The following ALDH3A1 variants were observed in gnomAD, a reference collection of about 807,000 sequenced individuals.
ALDH3A1 encodes the protein aldehyde dehydrogenase 3 family member A1, also known as aldehyde dehydrogenase, dimeric NADP-preferring.
Under a neutral mutation model 49.9 loss-of-function variants are expected in ALDH3A1, and 46 were observed. The observed-to-expected ratio is 0.92, with a 90% CI of 0.73 to 1.18. The LOEUF is 1.18. ALDH3A1 is among the 50% of genes most tolerant of loss of function. ALDH3A1 has a pLI of 0.00. For synonymous variants in ALDH3A1, 269 were observed against 253.3 expected (o/e 1.06, Z -0.59); for missense variants, 592 against 611.8 (o/e 0.97, Z 0.34).
intron 2 of ALDH3A1, chr17:19,744,679 G>A: frequency 7.6e-7 from 1 of 1,311,436 alleles, no homozygotes; most frequent in Non-Finnish European, 9.7e-7. Context: ...GAGGAATGGG[G>A]AGGACCAGAA....
At chr17:19,740,226 C>T in intron 7 of ALDH3A1, 110 bp downstream of exon 7, 1 of 1,466,164 alleles carries the variant, frequency 6.8e-7, no homozygotes, top group Non-Finnish European at 9.2e-7. Flanking sequence ...CAATTTATAC[C>T]CATCCCGAGG....
At chr17:19,739,246 C>T (rs935620433) in intron 8 of ALDH3A1, 151 bp from the exon 9 acceptor site, 24 of 817,670 alleles carry the variant, frequency 2.9e-5, no homozygotes, top group Middle Eastern at 5.1e-4. Context: ...TTCCTGCAGA[C>T]CGCGTGGCTG....
intron 9 of ALDH3A1, chr17:19,738,682 C>A: frequency 1.5e-6 from 1 of 651,214 alleles, no homozygotes; most frequent in Non-Finnish European, 2.6e-6. Context: ...GTCCCCAGGG[C>A]ATCCACACTG....
chr17:19,745,017 T>C lies in ALDH3A1; in HGVS notation c.113A>G (p.Gln38Arg). The change falls in exon 2 of 11, where the codon CAG becomes CGG. Residue 38 changes from glutamine to arginine, a missense_variant. Physicochemically the swap from Gln to Arg is conservative, Grantham distance 43 (BLOSUM62 1). Transcript: ENST00000225740. ...GCCCACCAGCTCCTGCTCCTGCTCC[T>C]GGATCAGGCGCTGCAGCGCCTCCAG... ...QQLEALQRLI[Q>R]EQEQELVGAL... 1 of 1,591,622 alleles carries C rather than the reference T, an allele frequency of 6.3e-7. No individual in the cohort carries two copies. Among genetic ancestry groups the C allele is most frequent in the Non-Finnish European group, 8.5e-7 (1 of 1,177,342 alleles).
chr17:19,746,638 CGTGTGCGTGT>C (rs2086599904), intron 1 of ALDH3A1, among the ~76,000 whole-genome samples: 1 of 132,574 alleles, frequency 7.5e-6, no homozygotes, highest in Non-Finnish European at 1.6e-5. Context: ...TGTGTGTGTG[CGTGTGCGTGT>C]GTGTGCATGT....
At position 19,748,134 on chromosome 17, in the gene ALDH3A1, A is replaced by G; in HGVS notation, c.-6+125T>C. On this transcript the variant is annotated intron_variant, in intron 1 of 10. Transcript: ENST00000225740. The surrounding 1 kb of genome is among the most constrained non-coding windows in gnomAD (Gnocchi z 4.4). ...GGTCCAGGAGGATGCTCCAGAGATG[A>G]TGGTCCCAGAGGCAGGGACCCCCTG... is the stretch of plus-strand genomic sequence containing the variant. 3.1e-6 allele frequency: 1 copy of G among 323,024 alleles called. No homozygotes were observed. Among genetic ancestry groups the G allele is most frequent in the Non-Finnish European group, 6.3e-6 (1 of 159,610 alleles). 20.0% of individuals were successfully genotyped at this position (323,024 alleles called of 1,614,324 possible). A position where few individuals can be genotyped will look rare whatever the true frequency, so the allele number is the denominator to read the frequency against.
chr17:19,739,685 A>C lies in ALDH3A1; in HGVS notation c.950-11T>G. On this transcript the variant is annotated splice_polypyrimidine_tract_variant and intron_variant, in intron 7 of 10. Transcript: ENST00000225740. The stretch of plus-strand genomic sequence containing the variant: ...TGAGGATGGTGGGGGCTGAGGCAGG[A>C]AACAAGCCAGAGTTGGACGGCGCAG... The C allele has an allele frequency of 1.2e-6, 2 of 1,613,244 alleles. No individual in the cohort carries two copies. The highest frequency in any genetic ancestry group is 1.7e-6 in the Non-Finnish European group (2 of 1,179,744).
rs2086611539 is a variant in ALDH3A1 at position 19,747,124 on chromosome 17, TA to T, written c.-6+1134del. On this transcript the variant is annotated intron_variant, in intron 1 of 10. Coordinates refer to ENST00000225740, the MANE Select transcript of ALDH3A1 (RefSeq NM_000691.5). ...CAGAAATAGGGTATTTCCATTTTTTTAAAAAACCCTATATATCATATGTAAT... is the reference window on the plus strand; with the variant it reads ...CAGAAATAGGGTATTTCCATTTTTTTAAAAACCCTATATATCATATGTAAT... 3.9e-5 allele frequency among the ~76,000 whole-genome samples: 6 copies of T among 152,200 alleles called. No individual in the cohort carries two copies. In the South Asian group the frequency reaches 1.2e-3, roughly 32 times the overall value.
chr17:19,746,660 TGTGTGTGC>T (rs1309741048), intron 1 of ALDH3A1, among the ~76,000 whole-genome samples: 3 of 146,868 alleles, frequency 2.0e-5, no homozygotes, highest in Non-Finnish European at 3.0e-5. Context: ...TGTGCATGTG[TGTGTGTGC>T]GTGTGTGTGC....
chr17:19,743,866 A>T lies in ALDH3A1; in HGVS notation c.163-403T>A. Reference sequence around the variant, plus strand: ...CGGGCACTGGGAGCTGGATCCGGGCAGGGTGGAGGGAGCCAGGCCCTTTAG... The same window carrying T: ...CGGGCACTGGGAGCTGGATCCGGGCTGGGTGGAGGGAGCCAGGCCCTTTAG... On this transcript the variant is annotated intron_variant, in intron 2 of 10. Transcript: ENST00000225740. The surrounding 1 kb of genome is among the most constrained non-coding windows in gnomAD (Gnocchi z 4.4). 3.0e-6 allele frequency: 3 copies of T among 984,146 alleles called. No individual in the cohort carries two copies. Among genetic ancestry groups the T allele is most frequent in the Non-Finnish European group, 3.6e-6 (3 of 829,554 alleles). The allele number at this position is 984,146 out of a possible 1,614,324, so 61.0% of individuals were successfully genotyped here.
intron 5 of ALDH3A1, among the ~76,000 whole-genome samples, chr17:19,741,712 C>G (rs1360206196): frequency 6.6e-6 from 1 of 152,160 alleles, no homozygotes; most frequent in African/African-American, 2.4e-5. Flanking sequence ...CGTCCCACAG[C>G]TGCTTTTTCT....
At chr17:19,746,543 AAAAG>A (rs147101721) in intron 1 of ALDH3A1, among the ~76,000 whole-genome samples, 2,369 of 152,122 alleles carry the variant, frequency 0.016, 25 homozygotes, top group East Asian at 0.053. Context: ...TAAAAAAAGA[AAAAG>A]AAAGAAAGAA....
chr17:19,738,359 T>C lies in ALDH3A1; in HGVS notation c.1311A>G (p.Glu437=). Residue 437 remains glutamate (E), a synonymous_variant, in exon 10 of 11, where the codon GAA becomes GAG. Transcript: ENST00000225740. ...TCGGGGGGTATCTGACCTTCAGGCC[T>C]TCATCATTCATCAGAGGCCTCACCA... The part of the protein sequence containing the change: ...SCLVRPLMND[E]GLKVRYPPSP... The C allele has an allele frequency of 6.2e-7, 1 of 1,613,850 alleles. No homozygotes were observed. The highest frequency in any genetic ancestry group is 8.5e-7 in the Non-Finnish European group (1 of 1,179,796).
At chr17:19,744,255 T>G (rs2086556444) in intron 2 of ALDH3A1, 1 of 633,930 alleles carries the variant, frequency 1.6e-6, no homozygotes, top group Non-Finnish European at 2.0e-6. Flanking sequence ...AATACAAAAT[T>G]AGCCGGGCAT....
At position 19,739,535 on chromosome 17, in the gene ALDH3A1, G is replaced by C; in HGVS notation, c.1089C>G (p.Ala363=). 6.8e-6 allele frequency: 11 copies of C among 1,612,402 alleles called. No homozygotes were observed. The highest frequency in any genetic ancestry group is 9.3e-6 in the Non-Finnish European group (11 of 1,179,530). The change falls in exon 8 of 11, where the codon GCC becomes GCG. Residue 363 remains alanine, a synonymous_variant. Coordinates refer to ENST00000225740, the MANE Select transcript of ALDH3A1 (RefSeq NM_000691.5). ...TGTCGTTGCTGGAGAACATGTAGAG[G>C]GCCAGGGGCTTCTCACGCTGGTTGA... ...QFINQREKPL[A]LYMFSSNDKV...
intron 10 of ALDH3A1, 41 bp downstream of exon 10, chr17:19,738,282 C>T (rs377018930): frequency 6.8e-6 from 11 of 1,613,884 alleles, no homozygotes; most frequent in African/African-American, 5.3e-5. Flanking sequence ...GCCCTGGTCC[C>T]GCACAGCCCG....
At chr17:19,739,369 C>A in intron 8 of ALDH3A1, 139 bp downstream of exon 8, 1 of 1,075,940 alleles carries the variant, frequency 9.3e-7, no homozygotes, top group Non-Finnish European at 1.3e-6. Context: ...CCTGATCTTA[C>A]AGACGAGGTG....
At chr17:19,742,850 ACCTGGCCCTCT>A in intron 3 of ALDH3A1, 1 of 1,532,598 alleles carries the variant, frequency 6.5e-7, no homozygotes, top group African/African-American at 1.4e-5. Flanking sequence ...GAGCTGCACC[ACCTGGCCCTCT>A]GAGTTGCTGA....
Position 19,743,810 on chromosome 17 carries a change from G to A in ALDH3A1, c.163-347C>T, listed in dbSNP as rs953295413. 4.1e-6 allele frequency: 4 copies of A among 972,298 alleles called. No individual in the cohort carries two copies. The African/African-American group carries it at 5.3e-5, about 13-fold the overall frequency. The allele number at this position is 972,298 out of a possible 1,614,324, so 60.2% of individuals were successfully genotyped here. A position where few individuals can be genotyped will look rare whatever the true frequency, so the allele number is the denominator to read the frequency against. ...GGCAGTGGGAATGGATCCGGGGAGG[G>A]GGGGATGGATCCGGGGAGGGGGGAT... On this transcript the variant is annotated intron_variant, in intron 2 of 10. Coordinates refer to ENST00000225740, the MANE Select transcript of ALDH3A1 (RefSeq NM_000691.5). This position sits in a 1 kb window ranked among gnomAD's most constrained non-coding sequence, Gnocchi z 4.4.
Sources: gnomAD v4.1 joint callset for allele counts (sites outside exome capture counted in the v4.1 genomes callset) on GRCh38, gnomAD v4.1.1 for gene constraint, Gnocchi (gnomAD v3.1) non-coding constraint, MANE v1.5 for transcripts, NCBI Gene and HGNC (gene_info 2026-07-23, HGNC 2026-07-21) for gene names.